SPMIP4: variants seen among roughly 807,000 people sequenced by gnomAD.
The protein encoded by SPMIP4 is sperm microtubule inner protein 4, also known as sperm-associated microtubule inner protein 4.
the SPMIP4 span, among the ~76,000 whole-genome samples, chr7:25,143,583 CTTTTTTT>C: frequency 4.2e-4 from 46 of 110,688 alleles, no homozygotes; most frequent in East Asian, 1.5e-3. Flanking sequence ...AGTAAAGACA[CTTTTTTT>C]TTTTTTTTTT....
the SPMIP4 span, among the ~76,000 whole-genome samples, chr7:25,164,586 G>A: frequency 6.6e-6 from 1 of 152,188 alleles, no homozygotes; most frequent in Admixed American, 6.5e-5. Context: ...GAGGGCAAGG[G>A]AACTTGGAAT....
chr7:25,128,043 A>T, the SPMIP4 span, among the ~76,000 whole-genome samples: 1 of 152,210 alleles, frequency 6.6e-6, no homozygotes, highest in East Asian at 1.9e-4. This position sits in a 1 kb window ranked among gnomAD's most constrained non-coding sequence, Gnocchi z 4.5. Flanking sequence ...CTCTTATCTT[A>T]CTTTCACCCA....
At chr7:25,147,301 A>C in the SPMIP4 span, among the ~76,000 whole-genome samples, 1 of 152,324 alleles carries the variant, frequency 6.6e-6, no homozygotes, top group African/African-American at 2.4e-5. Flanking sequence ...TTCAAAATAA[A>C]AATAAAACCT....
chr7:25,134,927 A>G, the SPMIP4 span: 4 of 985,432 alleles, frequency 4.1e-6, no homozygotes, highest in Non-Finnish European at 3.6e-6. Context: ...TCATAATGTA[A>G]CTAGTGCTGT....
chr7:25,161,148 A>G, the SPMIP4 span: 2 of 1,219,760 alleles, frequency 1.6e-6, no homozygotes, highest in South Asian at 1.5e-5. Context: ...CCACTTAAAA[A>G]TGTTATTTGA....
chr7:25,155,197 G>C, the SPMIP4 span: 1 of 1,505,100 alleles, frequency 6.6e-7, no homozygotes, highest in Non-Finnish European at 8.9e-7. Flanking sequence ...ATCTCTCTAA[G>C]ATTTATTGAG....
the SPMIP4 span, chr7:25,158,562 T>C: frequency 1.2e-3 from 1,830 of 1,586,300 alleles, 18 homozygotes; most frequent in African/African-American, 0.021. Context: ...AGTTCTAACT[T>C]ATATTGAGGG....
the SPMIP4 span, chr7:25,142,781 A>C: frequency 1.9e-6 from 3 of 1,566,810 alleles, no homozygotes; most frequent in Non-Finnish European, 2.6e-6. Context: ...TTTGGGTAGA[A>C]TACTGGCTTA....
the SPMIP4 span, among the ~76,000 whole-genome samples, chr7:25,153,827 T>A: frequency 1.3e-5 from 2 of 152,254 alleles, no homozygotes; most frequent in African/African-American, 2.4e-5. Context: ...TGCTCGATAC[T>A]AACAGCCAGT....
chr7:25,170,146 T>C, the SPMIP4 span, among the ~76,000 whole-genome samples: 1 of 152,180 alleles, frequency 6.6e-6, no homozygotes, highest in Non-Finnish European at 1.5e-5. Flanking sequence ...CCATTTTACA[T>C]TCCTACCAAC....
chr7:25,156,481 TAGAA>T, the SPMIP4 span, among the ~76,000 whole-genome samples: 3 of 152,274 alleles, frequency 2.0e-5, no homozygotes, highest in South Asian at 4.1e-4. Flanking sequence ...TTTTAAAAAA[TAGAA>T]AGACCAAAAA....
the SPMIP4 span, among the ~76,000 whole-genome samples, chr7:25,144,398 C>G: frequency 6.6e-6 from 1 of 152,218 alleles, no homozygotes; most frequent in Non-Finnish European, 1.5e-5. Context: ...CCCCTGGCCT[C>G]AGCACCCTGA....
the SPMIP4 span, among the ~76,000 whole-genome samples, chr7:25,156,979 G>A: frequency 2.6e-5 from 4 of 151,936 alleles, no homozygotes; most frequent in African/African-American, 7.3e-5. Context: ...GAGCCACTGC[G>A]CCCGGCCACT....
the SPMIP4 span, chr7:25,142,732 G>C: frequency 6.2e-7 from 1 of 1,608,376 alleles, no homozygotes; most frequent in East Asian, 2.2e-5. Flanking sequence ...AGGGTCCCAT[G>C]AATTTAAAGA....
At chr7:25,171,878 G>C in the SPMIP4 span, among the ~76,000 whole-genome samples, 1 of 152,168 alleles carries the variant, frequency 6.6e-6, no homozygotes, top group Non-Finnish European at 1.5e-5. Flanking sequence ...GCCCCAGTTT[G>C]CATCTACCCT....
At chr7:25,169,990 A>C in the SPMIP4 span, among the ~76,000 whole-genome samples, 1 of 152,218 alleles carries the variant, frequency 6.6e-6, no homozygotes, top group Non-Finnish European at 1.5e-5. Flanking sequence ...AACTCTCGTG[A>C]ATAATACTGC....
At chr7:25,171,471 A>T in the SPMIP4 span, among the ~76,000 whole-genome samples, 3 of 152,356 alleles carry the variant, frequency 2.0e-5, no homozygotes, top group South Asian at 6.2e-4. Context: ...GCATCTGGCA[A>T]AAGTTCTGCT....
At chr7:25,133,656 C>T in the SPMIP4 span, among the ~76,000 whole-genome samples, 3 of 152,214 alleles carry the variant, frequency 2.0e-5, no homozygotes, top group South Asian at 4.2e-4. Context: ...AGTAGAGTAA[C>T]GCTTTTTGTA....
At chr7:25,179,199 G>C in the SPMIP4 span, 1 of 1,610,642 alleles carries the variant, frequency 6.2e-7, no homozygotes, top group Non-Finnish European at 8.5e-7. Context: ...AGTTGGGCGA[G>C]TAACCGTCTG....
Sources: allele counts gnomAD v4.1 joint callset (sites outside exome capture counted in the v4.1 genomes callset), GRCh38; gene constraint gnomAD v4.1.1; non-coding constraint Gnocchi (gnomAD v3.1); transcripts MANE v1.5; gene names NCBI Gene and HGNC (gene_info 2026-07-23, HGNC 2026-07-21).